Variants in TEX14 observed in about 807,000 individuals in gnomAD.
TEX14 encodes inactive serine/threonine-protein kinase TEX14.
In TEX14, 168 loss-of-function variants were observed where a neutral mutation model predicts 178.6. The ratio of observed to expected loss-of-function variants is 0.94; its 90% CI spans 0.83 to 1.07. The LOEUF is 1.07. Ranked by LOEUF, TEX14 falls within the 50% of genes least tolerant of loss-of-function variation. TEX14 has a pLI of 0.00. For synonymous variants in TEX14, 626 were observed against 634.1 expected, an observed-to-expected ratio of 0.99 and a Z score of 0.19; for missense variants, 1,730 against 1,753.6, an observed-to-expected ratio of 0.99 and a Z score of 0.24.
At chr17:58,643,975 C>A (rs1271807280) in intron 2 of TEX14, among the ~76,000 whole-genome samples, 2 of 149,058 alleles carry the variant, frequency 1.3e-5, no homozygotes, top group Non-Finnish European at 3.0e-5. Flanking sequence ...TAGCCTCCTG[C>A]AGCCAGAGCA....
chr17:58,589,557 CAAA>C (rs71143254), intron 15 of TEX14, among the ~76,000 whole-genome samples: 54 of 56,468 alleles, frequency 9.6e-4, no homozygotes, highest in African/African-American at 2.4e-3. Context: ...GACTCCGTCT[CAAA>C]AAAAAAAAAA....
intron 2 of TEX14, among the ~76,000 whole-genome samples, chr17:58,632,112 T>C (rs1049078221): frequency 1.3e-5 from 2 of 152,206 alleles, no homozygotes; most frequent in African/African-American, 2.4e-5. Flanking sequence ...CGCGTAACGC[T>C]GACGACTATA....
At chr17:58,626,035 A>C (rs1412259625) in intron 3 of TEX14, among the ~76,000 whole-genome samples, 1 of 151,960 alleles carries the variant, frequency 6.6e-6, no homozygotes, top group Non-Finnish European at 1.5e-5. Context: ...GGCGTGAGCC[A>C]CTGTGCCCGG....
chr17:58,682,686 G>C (rs932026720), intron 1 of TEX14, among the ~76,000 whole-genome samples: 2 of 152,188 alleles, frequency 1.3e-5, no homozygotes, highest in Admixed American at 6.6e-5. Context: ...CCAGCCTACA[G>C]AGTCTTAAGT....
At chr17:58,612,405 A>T (rs1290917817) in intron 9 of TEX14, among the ~76,000 whole-genome samples, 2 of 152,072 alleles carry the variant, frequency 1.3e-5, no homozygotes, top group Non-Finnish European at 2.9e-5. Flanking sequence ...CCTGGGCAAC[A>T]TAGTGGGACC....
chr17:58,679,999 T>C (rs1402326221), intron 1 of TEX14, among the ~76,000 whole-genome samples: 1 of 152,138 alleles, frequency 6.6e-6, no homozygotes, highest in Non-Finnish European at 1.5e-5. Flanking sequence ...AAAAATGCTC[T>C]ACAGATTAAA....
intron 28 of TEX14, among the ~76,000 whole-genome samples, chr17:58,562,530 A>T (rs1387056561): frequency 1.3e-5 from 2 of 151,636 alleles, no homozygotes; most frequent in Non-Finnish European, 2.9e-5. Flanking sequence ...TTTTTGAGAC[A>T]GTCTCGCTCT....
intron 15 of TEX14, among the ~76,000 whole-genome samples, chr17:58,588,662 T>C (rs1250204780): frequency 6.6e-6 from 1 of 152,190 alleles, no homozygotes; most frequent in Admixed American, 6.5e-5. Flanking sequence ...TCCCACTGAA[T>C]TCTAGACCCT....
chr17:58,573,378 G>A, intron 22 of TEX14, 70 bp from the exon 23 acceptor site: 1 of 1,486,026 alleles, frequency 6.7e-7, no homozygotes, highest in Non-Finnish European at 9.2e-7. Flanking sequence ...ATTCCTGAGA[G>A]GTACTTTTTA....
chr17:58,691,056 T>A (rs1302598130), intron 1 of TEX14, among the ~76,000 whole-genome samples: 1 of 151,998 alleles, frequency 6.6e-6, no homozygotes, highest in Admixed American at 6.6e-5. Context: ...TGTTTCGCCA[T>A]GTTGTCGAGG....
chr17:58,648,711 A>G (rs2046768741), intron 2 of TEX14, among the ~76,000 whole-genome samples: 1 of 151,948 alleles, frequency 6.6e-6, no homozygotes, highest in Non-Finnish European at 1.5e-5. Context: ...GGTTTGCCTG[A>G]AGGGCCTCTT....
At chr17:58,639,423 G>C (rs1040169508) in intron 2 of TEX14, among the ~76,000 whole-genome samples, 1 of 152,010 alleles carries the variant, frequency 6.6e-6, no homozygotes, top group Non-Finnish European at 1.5e-5. Context: ...CATGTTGGCC[G>C]GGCGCGGTGG....
chr17:58,611,578 A>G (rs959991629), intron 9 of TEX14, among the ~76,000 whole-genome samples: 1 of 152,188 alleles, frequency 6.6e-6, no homozygotes, highest in African/African-American at 2.4e-5. Context: ...TCATACCACA[A>G]AAAATGAAAA....
At chr17:58,602,379 C>G in intron 12 of TEX14, 21 bp downstream of exon 12, 1 of 1,591,664 alleles carries the variant, frequency 6.3e-7, no homozygotes, top group Non-Finnish European at 8.6e-7. Flanking sequence ...GAAATAAACT[C>G]CCAACAACTT....
At chr17:58,682,239 CA>C (rs2047512879) in intron 1 of TEX14, among the ~76,000 whole-genome samples, 1 of 151,350 alleles carries the variant, frequency 6.6e-6, no homozygotes, top group Middle Eastern at 3.5e-3. Flanking sequence ...ATGGAACCAC[CA>C]TGCCCAGGCC....
chr17:58,605,085 G>T lies in TEX14; in HGVS notation c.1229C>A (p.Pro410His). Residue 410 changes from proline (P) to histidine (H), a missense_variant, in exon 11 of 32, where the codon CCT becomes CAT. Coordinates refer to ENST00000349033, the MANE Select transcript of TEX14 (RefSeq NM_031272.5). Reference sequence around the variant, plus strand: ...TGCGGCCCAGTTGTATAGCTGCGTAGGAAGGGGCACTCGAGTCAGGTCCCT... The same window carrying T: ...TGCGGCCCAGTTGTATAGCTGCGTATGAAGGGGCACTCGAGTCAGGTCCCT... ...VQRDLTRVPL[P>H]TQLYNWAAPE... is the part of the protein sequence containing the mutation. 6.2e-7 allele frequency: 1 copy of T among 1,614,170 alleles called. No homozygotes were observed. The highest frequency in any genetic ancestry group is 8.5e-7 in the Non-Finnish European group (1 of 1,180,020).
At chr17:58,587,504 A>C (rs901362976) in intron 17 of TEX14, 77 bp downstream of exon 17, 2 of 890,270 alleles carry the variant, frequency 2.2e-6, no homozygotes, top group African/African-American at 3.4e-5. Flanking sequence ...CAGGTTGTGT[A>C]CTTAGAAATA....
chr17:58,622,899 C>G lies in TEX14; in HGVS notation c.365G>C (p.Gly122Ala), dbSNP rs1308428530. 1 of 1,613,220 alleles carries G rather than the reference C, an allele frequency of 6.2e-7. No individual in the cohort carries two copies. The highest frequency in any genetic ancestry group is 8.5e-7 in the Non-Finnish European group (1 of 1,179,398). ...GGDLRLHDER[G>A]QNPKTWALTA... The stretch of plus-strand genomic sequence containing the variant: ...CAAAGCCCAAGTCTTCGGGTTTTGA[C>G]CCCTCTCATCGTGGAGTCGCAGGTC... The change falls in exon 4 of 32, where the codon GGT becomes GCT. Residue 122 changes from glycine to alanine, a missense_variant. Gly to Ala is a moderately conservative substitution (Grantham distance 60). This residue lies in a region of TEX14 where 789 missense variants were observed against 681.2 expected (regional missense o/e 1.16). Coordinates refer to ENST00000349033, the MANE Select transcript of TEX14 (RefSeq NM_031272.5).
At chr17:58,660,304 G>C (rs1313063832) in intron 1 of TEX14, 1 of 185,896 alleles carries the variant, frequency 5.4e-6, no homozygotes, top group African/African-American at 2.4e-5. Flanking sequence ...GGGAGGCTGA[G>C]GCAGGAGAAT....
Sources: gnomAD v4.1 joint callset for allele counts (sites outside exome capture counted in the v4.1 genomes callset) on GRCh38, gnomAD v4.1.1 for gene constraint, gnomAD v4.1.1 regional missense constraint, MANE v1.5 for transcripts, NCBI Gene and HGNC (gene_info 2026-07-23, HGNC 2026-07-21) for gene names.